Variants in ULK4 observed in about 807,000 individuals in gnomAD.
ULK4 encodes inactive serine/threonine-protein kinase ULK4.
Under a neutral mutation model 160.6 loss-of-function variants are expected in ULK4, and 133 were observed. That is an observed-to-expected ratio of 0.83 (90% confidence interval 0.72 to 0.96). ULK4 has a LOEUF of 0.96. Among genes scored for constraint, ULK4 ranks in the 40% least tolerant of loss-of-function variants. The pLI, the probability that ULK4 is intolerant of heterozygous loss-of-function variation, is 0.00. For missense variants in ULK4, 1,580 were observed against 1,499.5 expected, an observed-to-expected ratio of 1.05 and a Z score of -0.89; for synonymous variants, 534 against 539.8, an observed-to-expected ratio of 0.99 and a Z score of 0.15.
rs543716464 is a variant in ULK4, at chr3:41,612,678, C to A, written c.3120+2991G>T. ...TACAACTCCAGAAATGTCTGTTCTT[C>A]CTAAGATTTCCACTTCACTATTTTA... On this transcript the variant is annotated intron_variant, in intron 31 of 36. Transcript: ENST00000301831. 2.0e-5 allele frequency among the ~76,000 whole-genome samples: 3 copies of A among 152,258 alleles called. No individual in the cohort carries two copies. The South Asian group carries it at 6.2e-4, about 32-fold the overall frequency.
intron 31 of ULK4, among the ~76,000 whole-genome samples, chr3:41,584,551 T>C (rs954087294): frequency 3.9e-5 from 6 of 152,148 alleles, no homozygotes; most frequent in African/African-American, 1.4e-4. Flanking sequence ...TCTCCCAAAG[T>C]GCTGGGATTA....
At chr3:41,287,610 C>A (rs2125699997) in intron 35 of ULK4, among the ~76,000 whole-genome samples, 1 of 152,288 alleles carries the variant, frequency 6.6e-6, no homozygotes, top group African/African-American at 2.4e-5. Flanking sequence ...ATTCTAGTCT[C>A]CTTTCACCCC....
chr3:41,481,014 G>T (rs1409840671), intron 32 of ULK4, among the ~76,000 whole-genome samples: 1 of 152,140 alleles, frequency 6.6e-6, no homozygotes, highest in Non-Finnish European at 1.5e-5. Context: ...TGTGGATAGG[G>T]ACACAGCCAA....
rs180896292 is a variant in ULK4, at chr3:41,280,318, A to T, written c.3679-30744T>A. Among the ~76,000 whole-genome samples, 70 of 152,334 alleles carry T rather than the reference A, an allele frequency of 4.6e-4. 1 individual carries two copies. In the East Asian group the frequency reaches 9.8e-3, roughly 21 times the overall value. The stretch of plus-strand genomic sequence containing the variant: ...TCTGCACCAAGTGGACCTAATAGAC[A>T]TCTACAGAACTCTCCACCTCAAATA... On this transcript the variant is annotated intron_variant, in intron 35 of 36. Coordinates refer to ENST00000301831, the MANE Select transcript of ULK4 (RefSeq NM_017886.4).
chr3:41,307,717 C>A (rs948767420), intron 35 of ULK4, among the ~76,000 whole-genome samples: 9 of 152,070 alleles, frequency 5.9e-5, no homozygotes, highest in Admixed American at 1.3e-4. Flanking sequence ...ATAGTCCTAG[C>A]CACTTGGGAA....
intron 32 of ULK4, among the ~76,000 whole-genome samples, chr3:41,542,366 G>A (rs147670979): frequency 0.018 from 2,781 of 152,258 alleles, 86 homozygotes; most frequent in African/African-American, 0.062. Context: ...TTGCATCCCA[G>A]GGATGAAGCC....
At chr3:41,311,491 G>A (rs959446987) in intron 35 of ULK4, among the ~76,000 whole-genome samples, 1 of 152,130 alleles carries the variant, frequency 6.6e-6, no homozygotes, top group Admixed American at 6.5e-5. Context: ...GACTCAGACG[G>A]GCTCTCCTTG....
At chr3:41,454,055 A>T (rs2083482529) in intron 34 of ULK4, among the ~76,000 whole-genome samples, 1 of 148,266 alleles carries the variant, frequency 6.7e-6, no homozygotes, top group South Asian at 2.3e-4. Context: ...GAGGGATAGC[A>T]TTAGGAGATA....
intron 5 of ULK4, among the ~76,000 whole-genome samples, chr3:41,921,970 A>G (rs1050966073): frequency 6.6e-6 from 1 of 152,072 alleles, no homozygotes; most frequent in Non-Finnish European, 1.5e-5. Flanking sequence ...CCTGACCAAC[A>G]TGGACAAACC....
chr3:41,647,444 T>G (rs1364808921), intron 30 of ULK4, among the ~76,000 whole-genome samples: 2 of 151,374 alleles, frequency 1.3e-5, no homozygotes, highest in Admixed American at 6.6e-5. Context: ...CTGTTGGAGT[T>G]TGCTAGAGGT....
At chr3:41,573,968 G>GAC (rs1323348176) in intron 31 of ULK4, among the ~76,000 whole-genome samples, 10 of 152,290 alleles carry the variant, frequency 6.6e-5, no homozygotes, top group Admixed American at 2.6e-4. Context: ...ACAAGGCTGT[G>GAC]TCACAGGCAG....
At position 41,419,807 on chromosome 3, in the gene ULK4, C is replaced by A. The variant is rs143397909; in HGVS notation, c.3493-21543G>T. ...GCATAAGAAGGATGAAATGGCAGAG[C>A]TGTTCCTTATAGACTTCTGAAAATG... On this transcript the variant is annotated intron_variant, in intron 34 of 36. Coordinates refer to ENST00000301831, the MANE Select transcript of ULK4 (RefSeq NM_017886.4). Among the ~76,000 whole-genome samples the A allele has an allele frequency of 4.6e-5, 7 of 152,174 alleles. No individual in the cohort carries two copies. In the East Asian group the frequency reaches 1.4e-3, roughly 30 times the overall value.
In ULK4 at chr3:41,803,370, C is replaced by G. The variant is rs188293513; in HGVS notation, c.1849-3077G>C. Among the ~76,000 whole-genome samples the G allele has an allele frequency of 2.3e-3, 354 of 152,154 alleles. 4 individuals are homozygous for G. Among genetic ancestry groups the G allele is most frequent in the Non-Finnish European group, 1.7e-3 (119 of 68,002 alleles). On this transcript the variant is annotated intron_variant, in intron 19 of 36. Coordinates refer to ENST00000301831, the MANE Select transcript of ULK4 (RefSeq NM_017886.4). ...GGCCGTAAAAAATATCTTAGCAACTCCATACTCATAGATTAATTTGAGATG... is the reference window on the plus strand; with the variant it reads ...GGCCGTAAAAAATATCTTAGCAACTGCATACTCATAGATTAATTTGAGATG...
intron 17 of ULK4, among the ~76,000 whole-genome samples, chr3:41,875,290 C>T (rs1717016): frequency 0.072 from 10,914 of 152,062 alleles, 1,234 homozygotes; most frequent in African/African-American, 0.24. Context: ...TGATAGCTCA[C>T]GCTGGTAATC....
chr3:41,485,314 C>A (rs58271793), intron 32 of ULK4, among the ~76,000 whole-genome samples: 5,702 of 152,072 alleles, frequency 0.037, 335 homozygotes, highest in African/African-American at 0.13. Context: ...CCAACAACAC[C>A]CAGGTATGTT....
At chr3:41,718,940 CA>C (rs375102800) in intron 22 of ULK4, among the ~76,000 whole-genome samples, 25 of 152,292 alleles carry the variant, frequency 1.6e-4, no homozygotes, top group African/African-American at 5.8e-4. Flanking sequence ...TATCAGTTAG[CA>C]TCTTCTGTTC....
At chr3:41,536,664 C>T (rs1161238850) in intron 32 of ULK4, among the ~76,000 whole-genome samples, 1 of 152,082 alleles carries the variant, frequency 6.6e-6, no homozygotes, top group Non-Finnish European at 1.5e-5. Flanking sequence ...AAAGAAAATA[C>T]ATTTACTAAT....
intron 34 of ULK4, among the ~76,000 whole-genome samples, chr3:41,454,714 A>G (rs1448435319): frequency 1.3e-5 from 2 of 151,810 alleles, no homozygotes; most frequent in Admixed American, 1.3e-4. Flanking sequence ...ATTTTTTGAG[A>G]TGGAGTCTCG....
chr3:41,629,254 C>G (rs574508770), intron 30 of ULK4, among the ~76,000 whole-genome samples: 2 of 152,264 alleles, frequency 1.3e-5, no homozygotes, highest in East Asian at 3.9e-4. Flanking sequence ...GGGATGGGAA[C>G]AGCTGGGGGT....
Sources: gnomAD v4.1 joint callset for allele counts (sites outside exome capture counted in the v4.1 genomes callset) on GRCh38, gnomAD v4.1.1 for gene constraint, MANE v1.5 for transcripts, NCBI Gene and HGNC (gene_info 2026-07-23, HGNC 2026-07-21) for gene names.